The following FOXO1 variants were observed in gnomAD, a reference collection of about 807,000 sequenced individuals.
FOXO1 encodes the protein forkhead box O1, also known as forkhead box protein O1.
In FOXO1, 6 loss-of-function variants were observed where a neutral mutation model predicts 44.1. The observed-to-expected ratio is 0.14, with a 90% CI of 0.07 to 0.27. The LOEUF (loss-of-function observed/expected upper bound fraction) is 0.27, where lower values mean the gene tolerates loss of function less well. Among genes scored for constraint, FOXO1 ranks in the 10% least tolerant of loss-of-function variants. The pLI is 1.00. For synonymous variants in FOXO1, 380 were observed against 362.7 expected (o/e 1.05, Z -0.54); for missense variants, 737 against 888.8 (o/e 0.83, Z 2.17).
At position 40,665,667 on chromosome 13, in the gene FOXO1, C is replaced by G. The variant is rs752549009; in HGVS notation, c.546G>C (p.Thr182=). 3.9e-6 allele frequency: 6 copies of G among 1,539,302 alleles called. No individual in the cohort carries two copies. In the African/African-American group the frequency reaches 8.5e-5, roughly 22 times the overall value. ...AIESSAEKRL[T]LSQIYEWMVK... is the part of the protein sequence containing the mutation. Reference sequence around the variant, plus strand: ...CCATCCACTCGTAGATCTGCGACAGCGTGAGCCGCTTCTCCGCCGAGCTCT... The same window carrying G: ...CCATCCACTCGTAGATCTGCGACAGGGTGAGCCGCTTCTCCGCCGAGCTCT... Residue 182 remains threonine (T), a synonymous_variant, in exon 1 of 3, where the codon ACG becomes ACC. Coordinates refer to ENST00000379561, the MANE Select transcript of FOXO1 (RefSeq NM_002015.4).
At chr13:40,591,861 C>T (rs1480840177) in intron 1 of FOXO1, among the ~76,000 whole-genome samples, 1 of 152,058 alleles carries the variant, frequency 6.6e-6, no homozygotes, top group Non-Finnish European at 1.5e-5. Flanking sequence ...TGTGTGCCAC[C>T]ACGCCAGGCT....
chr13:40,624,314 G>T (rs1362745548), intron 1 of FOXO1, among the ~76,000 whole-genome samples: 2 of 56,690 alleles, frequency 3.5e-5, no homozygotes, highest in South Asian at 8.2e-4. Flanking sequence ...AACTAATACT[G>T]CTTAAAAAAA....
intron 1 of FOXO1, among the ~76,000 whole-genome samples, chr13:40,598,503 A>C (rs954720266): frequency 1.3e-5 from 2 of 150,154 alleles, no homozygotes; most frequent in African/African-American, 4.9e-5. Context: ...CCACTAGCAC[A>C]AAAAAAAAAT....
At chr13:40,584,234 G>A (rs1461796094) in intron 1 of FOXO1, among the ~76,000 whole-genome samples, 1 of 151,928 alleles carries the variant, frequency 6.6e-6, no homozygotes, top group African/African-American at 2.4e-5. Context: ...GAGAAAGGCT[G>A]AATAACAATC....
At chr13:40,578,757 T>C (rs950774513) in intron 1 of FOXO1, among the ~76,000 whole-genome samples, 6 of 152,240 alleles carry the variant, frequency 3.9e-5, no homozygotes, top group African/African-American at 1.4e-4. Flanking sequence ...TTCCTAACTG[T>C]ACAGTTTTTT....
Position 40,604,336 on chromosome 13 carries a change from A to T in FOXO1, c.631-43476T>A, listed in dbSNP as rs371428511. ...TACCTACATGTTATTTAAAGCATACATATGACTGAGTGCACTCAACTATCT... is the reference window on the plus strand; with the variant it reads ...TACCTACATGTTATTTAAAGCATACTTATGACTGAGTGCACTCAACTATCT... On this transcript the variant is annotated intron_variant, in intron 1 of 2. Coordinates refer to ENST00000379561, the MANE Select transcript of FOXO1 (RefSeq NM_002015.4). 4.6e-5 allele frequency among the ~76,000 whole-genome samples: 7 copies of T among 152,040 alleles called. No individual in the cohort carries two copies. The East Asian group carries it at 1.2e-3, about 25-fold the overall frequency.
intron 1 of FOXO1, among the ~76,000 whole-genome samples, chr13:40,654,408 G>A (rs937246078): frequency 1.2e-4 from 18 of 148,828 alleles, no homozygotes; most frequent in African/African-American, 3.7e-4. Context: ...AGGCTGAGAC[G>A]GAGAACTACT....
chr13:40,666,400 C>T lies in FOXO1; in HGVS notation c.-188G>A, dbSNP rs1878258891. On this transcript the variant is annotated 5_prime_UTR_variant, in exon 1 of 3. Coordinates refer to ENST00000379561, the MANE Select transcript of FOXO1 (RefSeq NM_002015.4). ...AGCGCGAGCCCAGAACTTAACTTCG[C>T]GGGGCCATCCACATCGAGGCTCCTC... 2.2e-6 allele frequency: 1 copy of T among 447,830 alleles called. No individual in the cohort carries two copies. Among genetic ancestry groups the T allele is most frequent in the Non-Finnish European group, 3.9e-6 (1 of 257,816 alleles). The allele number at this position is 447,830 out of a possible 1,614,324, so 27.7% of individuals were successfully genotyped here.
chr13:40,585,343 G>GCGCA (rs10623475), intron 1 of FOXO1, among the ~76,000 whole-genome samples: 124 of 147,092 alleles, frequency 8.4e-4, no homozygotes, highest in Middle Eastern at 3.4e-3. Context: ...CTGCGCGCGC[G>GCGCA]CACACACACA....
chr13:40,645,888 G>A (rs1877492182), intron 1 of FOXO1, among the ~76,000 whole-genome samples: 2 of 152,068 alleles, frequency 1.3e-5, no homozygotes, highest in African/African-American at 4.8e-5. Context: ...CAAACATGGA[G>A]AAATCCTGTC....
At chr13:40,656,815 T>C (rs1366846563) in intron 1 of FOXO1, among the ~76,000 whole-genome samples, 2 of 152,146 alleles carry the variant, frequency 1.3e-5, no homozygotes, top group South Asian at 2.1e-4. Flanking sequence ...GTATTTCACA[T>C]GCCTATCACT....
At chr13:40,598,819 G>A (rs577541883) in intron 1 of FOXO1, among the ~76,000 whole-genome samples, 25 of 152,254 alleles carry the variant, frequency 1.6e-4, no homozygotes, top group African/African-American at 4.8e-4. Context: ...AAGATCCCCA[G>A]GTGATTAATA....
chr13:40,585,170 G>A (rs533834112), intron 1 of FOXO1, among the ~76,000 whole-genome samples: 30 of 152,152 alleles, frequency 2.0e-4, no homozygotes, highest in Non-Finnish European at 2.4e-4. Context: ...GTAATCTTAC[G>A]GATAAAAAGC....
chr13:40,605,294 G>T (rs1336364391), intron 1 of FOXO1, among the ~76,000 whole-genome samples: 1 of 151,852 alleles, frequency 6.6e-6, no homozygotes, highest in African/African-American at 2.4e-5. Flanking sequence ...TTTTTTTCCT[G>T]ATCAAGGAAA....
intron 1 of FOXO1, 26 bp downstream of exon 1, chr13:40,665,557 T>G: frequency 7.4e-7 from 1 of 1,360,244 alleles, no homozygotes; most frequent in East Asian, 2.8e-5. Flanking sequence ...GCCCCCAAGG[T>G]CCGGCCGCGC....
At chr13:40,659,648 TAG>T (rs201266181) in intron 1 of FOXO1, among the ~76,000 whole-genome samples, 1 of 152,144 alleles carries the variant, frequency 6.6e-6, no homozygotes, top group Non-Finnish European at 1.5e-5. Flanking sequence ...TTTTCCTTTT[TAG>T]TTTTTATCAA....
chr13:40,618,777 GA>G, intron 1 of FOXO1: 1 of 507,872 alleles, frequency 2.0e-6, no homozygotes. Context: ...TGGTGGTGAC[GA>G]AACCTTATCT....
chr13:40,573,652 T>G (rs146569295), intron 1 of FOXO1, among the ~76,000 whole-genome samples: 1 of 152,218 alleles, frequency 6.6e-6, no homozygotes, highest in East Asian at 1.9e-4. Context: ...TTGTCATACG[T>G]TAAGACAAGA....
At chr13:40,615,759 C>A (rs1412490667) in intron 1 of FOXO1, among the ~76,000 whole-genome samples, 4 of 152,018 alleles carry the variant, frequency 2.6e-5, no homozygotes, top group African/African-American at 9.7e-5. Flanking sequence ...GGTGCCAAAG[C>A]CCCGAGGCAG....
Sources: allele counts gnomAD v4.1 joint callset (sites outside exome capture counted in the v4.1 genomes callset), GRCh38; gene constraint gnomAD v4.1.1; transcripts MANE v1.5; gene names NCBI Gene and HGNC (gene_info 2026-07-23, HGNC 2026-07-21).